Variants in SIRPD observed in about 807,000 individuals in gnomAD.
The protein encoded by SIRPD is signal regulatory protein delta.
SIRPD carries 21 observed loss-of-function variants against 18.0 expected under a neutral mutation model. The observed-to-expected ratio is 1.17, with a 90% CI of 0.83 to 1.68. SIRPD has a LOEUF of 1.68. Among genes scored for constraint, SIRPD ranks in the 40% most tolerant of loss-of-function variants. The pLI is 0.00. For synonymous variants in SIRPD, 106 were observed against 92.9 expected, an observed-to-expected ratio of 1.14 and a Z score of -0.81; for missense variants, 295 against 238.4, an observed-to-expected ratio of 1.24 and a Z score of -1.56.
rs77237515 is a variant in SIRPD, at chr20:1,534,973, G to A, written c.578-532C>T. 7.8e-3 allele frequency among the ~76,000 whole-genome samples: 1,180 copies of A among 152,228 alleles called. 22 individuals carry two copies. The highest frequency in any genetic ancestry group is 0.028 in the African/African-American group (1,145 of 41,520). On this transcript the variant is annotated intron_variant, in intron 3 of 3. Transcript: ENST00000381623. ...ACAAGGGTGAATATGATTTGTAAAG[G>A]AATGGTAATCATAGTATTTACAATA...
intron 3 of SIRPD, 67 bp from the exon 4 acceptor site, chr20:1,534,508 A>G (rs2090937375): frequency 2.1e-6 from 3 of 1,459,834 alleles, no homozygotes; most frequent in African/African-American, 1.4e-5. Flanking sequence ...AGCAGACACA[A>G]TTTTTAGAAT....
chr20:1,536,419 T>A (rs63247062), intron 3 of SIRPD, among the ~76,000 whole-genome samples: 2 of 126,456 alleles, frequency 1.6e-5, no homozygotes, highest in East Asian at 2.4e-4. Flanking sequence ...TTTTTTTTTT[T>A]AATGCCTGTG....
chr20:1,551,449 G>T (rs1197080709), intron 2 of SIRPD, among the ~76,000 whole-genome samples: 1 of 152,208 alleles, frequency 6.6e-6, no homozygotes, highest in Non-Finnish European at 1.5e-5. Flanking sequence ...AGTCATGGGG[G>T]TGGATTAAAT....
In SIRPD at chr20:1,551,955, C is replaced by T. The variant is rs142835461; in HGVS notation, c.157G>A (p.Val53Ile). Reference protein sequence around the residue: ...TGESIILSCSVPNTLPNGPVL... With the variant: ...TGESIILSCSIPNTLPNGPVL... ...GGTCCATTTGGTAAGGTATTGGGTA[C>T]GCTGCAACTCAAGATGATTGACTCC... The change falls in exon 2 of 4, where the codon GTA becomes ATA. Residue 53 changes from valine (V) to isoleucine (I), a missense_variant. Val to Ile is a conservative substitution (Grantham distance 29, BLOSUM62 3). Transcript: ENST00000381623. The T allele has an allele frequency of 1.0e-4, 165 of 1,613,906 alleles. No homozygotes were observed. The highest frequency in any genetic ancestry group is 2.3e-4 in the South Asian group (21 of 91,082).
chr20:1,538,847 G>A (rs2123117452), intron 2 of SIRPD, among the ~76,000 whole-genome samples: 3 of 152,264 alleles, frequency 2.0e-5, no homozygotes, highest in African/African-American at 7.2e-5. Context: ...TGAGACCCCA[G>A]GCAACATATA....
rs1208942539 is a variant in SIRPD at position 1,551,736 on chromosome 20, T to C, written c.376A>G (p.Ile126Val). The C allele has an allele frequency of 6.2e-7, 1 of 1,614,096 alleles. No individual in the cohort carries two copies. The change falls in exon 2 of 4, where the codon ATC (isoleucine) becomes GTC (valine). Residue 126 changes from isoleucine to valine, a missense_variant. Coordinates refer to ENST00000381623, the MANE Select transcript of SIRPD (RefSeq NM_178460.3). Reference sequence around the variant, plus strand: ...CCCCGACCTGATTGGTACTCCTTGATAGCTCTTCCTTTTATGAACTTCACG... The same window carrying C: ...CCCCGACCTGATTGGTACTCCTTGACAGCTCTTCCTTTTATGAACTTCACG... ...YCVKFIKGRA[I>V]KEYQSGRGTQ...
intron 3 of SIRPD, among the ~76,000 whole-genome samples, chr20:1,536,542 G>T (rs1197002772): frequency 6.6e-6 from 1 of 151,984 alleles, no homozygotes; most frequent in Non-Finnish European, 1.5e-5. Flanking sequence ...AGAGTAGACA[G>T]GCAGGAGAAA....
At chr20:1,551,003 C>T (rs1365149318) in intron 2 of SIRPD, among the ~76,000 whole-genome samples, 1 of 152,186 alleles carries the variant, frequency 6.6e-6, no homozygotes, top group Non-Finnish European at 1.5e-5. Flanking sequence ...TAGATTTGTA[C>T]TTGCAGTTCA....
intron 2 of SIRPD, chr20:1,540,058 A>T (rs1392991490): frequency 7.1e-6 from 2 of 280,754 alleles, no homozygotes; most frequent in Non-Finnish European, 1.4e-5. Context: ...GTAATTTGTT[A>T]TGCAGCATAG....
intron 1 of SIRPD, 27 bp from the exon 2 acceptor site, chr20:1,552,065 C>A (rs369940226): frequency 6.3e-7 from 1 of 1,591,712 alleles, no homozygotes; most frequent in Non-Finnish European, 8.6e-7. Flanking sequence ...AATCATTTCT[C>A]ATTTCCCCTG....
rs189245740 is a variant in SIRPD at position 1,545,109 on chromosome 20, G to A, written c.421+6582C>T. 1.9e-3 allele frequency among the ~76,000 whole-genome samples: 287 copies of A among 152,150 alleles called. 1 individual carries two copies. The highest frequency in any genetic ancestry group is 6.5e-3 in the African/African-American group (269 of 41,490). On this transcript the variant is annotated intron_variant, in intron 2 of 3. Transcript: ENST00000381623. Reference sequence around the variant, plus strand: ...TGTGTGTCTTGGGGTTGCTCTTCTCGAGGAGTATCTTTGTGGTGCTCTCTG... The same window carrying A: ...TGTGTGTCTTGGGGTTGCTCTTCTCAAGGAGTATCTTTGTGGTGCTCTCTG...
chr20:1,556,708 A>T (rs561834481), intron 1 of SIRPD, among the ~76,000 whole-genome samples: 208 of 152,322 alleles, frequency 1.4e-3, no homozygotes, highest in African/African-American at 4.7e-3. Flanking sequence ...GGGTGGTGCC[A>T]CCTGCCATCC....
intron 2 of SIRPD, among the ~76,000 whole-genome samples, chr20:1,546,615 T>G (rs1489087404): frequency 6.6e-6 from 1 of 152,228 alleles, no homozygotes. Context: ...AGGAGTGGAA[T>G]AGCTGGGTCA....
intron 2 of SIRPD, among the ~76,000 whole-genome samples, chr20:1,546,645 CTGTT>C: frequency 6.6e-6 from 1 of 152,302 alleles, no homozygotes; most frequent in Admixed American, 6.5e-5. Context: ...TTATGTTTGA[CTGTT>C]TGAGGAGCTG....
chr20:1,543,108 C>T (rs1052259841), intron 2 of SIRPD, among the ~76,000 whole-genome samples: 1 of 152,118 alleles, frequency 6.6e-6, no homozygotes, highest in African/African-American at 2.4e-5. Context: ...TTTGTTGTGT[C>T]TCTGCCAGGT....
chr20:1,543,285 A>G (rs2090979996), intron 2 of SIRPD, among the ~76,000 whole-genome samples: 1 of 152,124 alleles, frequency 6.6e-6, no homozygotes, highest in South Asian at 2.1e-4. Context: ...TTGGCAGGCT[A>G]TTAATTACTG....
intron 1 of SIRPD, among the ~76,000 whole-genome samples, chr20:1,556,818 G>A (rs534836463): frequency 5.3e-5 from 8 of 152,288 alleles, no homozygotes; most frequent in East Asian, 1.9e-4. Context: ...CCCACACTTC[G>A]ATTTTGAATA....
chr20:1,547,427 T>C (rs1291485681), intron 2 of SIRPD, among the ~76,000 whole-genome samples: 1 of 152,202 alleles, frequency 6.6e-6, no homozygotes, highest in Non-Finnish European at 1.5e-5. Context: ...TTTTATTTTA[T>C]TTATTTATTT....
At position 1,538,623 on chromosome 20, in the gene SIRPD, C is replaced by T. The variant is rs115592790; in HGVS notation, c.422-1313G>A. 8.2e-3 allele frequency among the ~76,000 whole-genome samples: 1,245 copies of T among 152,284 alleles called. 14 individuals carry two copies. The highest frequency in any genetic ancestry group is 0.028 in the African/African-American group (1,178 of 41,552). On this transcript the variant is annotated intron_variant, in intron 2 of 3. Coordinates refer to ENST00000381623, the MANE Select transcript of SIRPD (RefSeq NM_178460.3). ...ATTCCCTGCATTTCTACCTGGCTTT[C>T]TTGGGATGCTAATTTTTGGAACCTT...
Sources: allele counts gnomAD v4.1 joint callset (sites outside exome capture counted in the v4.1 genomes callset), GRCh38; gene constraint gnomAD v4.1.1; transcripts MANE v1.5; gene names NCBI Gene and HGNC (gene_info 2026-07-23, HGNC 2026-07-21).